TBC1D4: variants seen among roughly 807,000 people sequenced by gnomAD.
The protein encoded by TBC1D4 is TBC1 domain family member 4.
TBC1D4 carries 121 observed loss-of-function variants against 142.5 expected under a neutral mutation model. That is an observed-to-expected ratio of 0.85 (90% CI 0.73 to 0.99). The LOEUF is 0.99. Ranked by LOEUF, TBC1D4 falls within the 50% of genes least tolerant of loss-of-function variation. TBC1D4 has a pLI of 0.00. For synonymous variants in TBC1D4, 630 were observed against 628.2 expected (o/e 1.00, Z -0.04); for missense variants, 1,475 against 1,606.6 (o/e 0.92, Z 1.40).
chr13:75,443,128 C>A (rs2138206681), intron 1 of TBC1D4, among the ~76,000 whole-genome samples: 1 of 152,214 alleles, frequency 6.6e-6, no homozygotes, highest in East Asian at 1.9e-4. Context: ...CAGCTGGATG[C>A]AGCCAGATGC....
rs752514908 is a variant in TBC1D4, at chr13:75,294,842, G to C, written c.3316+12C>G. Reference sequence around the variant, plus strand: ...AATAATACTGTTCCATTTAATTACAGGTATCTCTTACCAAAAACTCTGGCT... The same window carrying C: ...AATAATACTGTTCCATTTAATTACACGTATCTCTTACCAAAAACTCTGGCT... On this transcript the variant is annotated intron_variant, in intron 18 of 20. Coordinates refer to ENST00000377636, the MANE Select transcript of TBC1D4 (RefSeq NM_014832.5). The C allele has an allele frequency of 1.9e-6, 3 of 1,612,900 alleles. No homozygotes were observed. Among genetic ancestry groups the C allele is most frequent in the Non-Finnish European group, 2.5e-6 (3 of 1,179,078 alleles).
intron 1 of TBC1D4, among the ~76,000 whole-genome samples, chr13:75,445,466 G>C (rs915573196): frequency 3.3e-5 from 5 of 152,054 alleles, no homozygotes; most frequent in African/African-American, 1.2e-4. Context: ...ATCATCTATT[G>C]TTGTATTTTC....
intron 1 of TBC1D4, among the ~76,000 whole-genome samples, chr13:75,377,468 G>T (rs1883580741): frequency 6.6e-6 from 1 of 151,916 alleles, no homozygotes; most frequent in Non-Finnish European, 1.5e-5. Flanking sequence ...TTTCAAAATG[G>T]CCCTGAAAGT....
chr13:75,339,270 C>T (rs1477358158), intron 7 of TBC1D4, among the ~76,000 whole-genome samples: 2 of 150,904 alleles, frequency 1.3e-5, no homozygotes, highest in South Asian at 2.1e-4. Context: ...AAAACATTCT[C>T]CCAACTGGAG....
At chr13:75,426,783 TG>T (rs1157456469) in intron 1 of TBC1D4, among the ~76,000 whole-genome samples, 1 of 151,948 alleles carries the variant, frequency 6.6e-6, no homozygotes, top group Non-Finnish European at 1.5e-5. Flanking sequence ...GGCTCACACC[TG>T]TAATCCCAGA....
At chr13:75,315,387 CAT>C (rs1165788414) in intron 12 of TBC1D4, among the ~76,000 whole-genome samples, 91 of 90,190 alleles carry the variant, frequency 1.0e-3, no homozygotes, top group South Asian at 2.2e-3. Context: ...CACACACACA[CAT>C]ATATATATAC....
At chr13:75,339,298 AC>A (rs2138067333) in intron 7 of TBC1D4, among the ~76,000 whole-genome samples, 1 of 123,140 alleles carries the variant, frequency 8.1e-6, no homozygotes, top group Non-Finnish European at 1.9e-5. Context: ...CTTAGTCCTA[AC>A]CCCCTCAACC....
chr13:75,436,428 G>A (rs548398054), intron 1 of TBC1D4, among the ~76,000 whole-genome samples: 4 of 152,246 alleles, frequency 2.6e-5, no homozygotes, highest in East Asian at 1.9e-4. Context: ...GGCCAAGGCA[G>A]CCAGATCATT....
intron 1 of TBC1D4, among the ~76,000 whole-genome samples, chr13:75,471,640 A>C (rs375039299): frequency 3.7e-4 from 56 of 151,912 alleles, no homozygotes; most frequent in African/African-American, 1.3e-3. Context: ...TGGGATGCCG[A>C]GGCAGGAGAA....
chr13:75,435,667 T>C (rs1408065745), intron 1 of TBC1D4, among the ~76,000 whole-genome samples: 2 of 152,182 alleles, frequency 1.3e-5, no homozygotes, highest in East Asian at 3.9e-4. Flanking sequence ...CCAAGTGTCC[T>C]GGTGTGGGTT....
intron 14 of TBC1D4, among the ~76,000 whole-genome samples, chr13:75,308,197 G>A (rs904398726): frequency 6.6e-6 from 1 of 152,152 alleles, no homozygotes; most frequent in Non-Finnish European, 1.5e-5. Context: ...TGTTATGTAG[G>A]CAGAGAAACA....
At chr13:75,298,335 T>C (rs546486227) in intron 17 of TBC1D4, among the ~76,000 whole-genome samples, 1 of 152,284 alleles carries the variant, frequency 6.6e-6, no homozygotes, top group Admixed American at 6.5e-5. Flanking sequence ...ACCAACCCAC[T>C]TAGAGAAGTG....
chr13:75,356,090 T>C, intron 4 of TBC1D4, 57 bp downstream of exon 4: 1 of 1,334,260 alleles, frequency 7.5e-7, no homozygotes, highest in Non-Finnish European at 1.1e-6. Flanking sequence ...AAGAGACAAG[T>C]CTTCTGTTCG....
At chr13:75,419,436 A>C (rs957643165) in intron 1 of TBC1D4, among the ~76,000 whole-genome samples, 2 of 152,168 alleles carry the variant, frequency 1.3e-5, no homozygotes, top group Non-Finnish European at 2.9e-5. Flanking sequence ...TAGTTTTTAT[A>C]GTCTATTACC....
chr13:75,477,006 G>C (rs1301716962), intron 1 of TBC1D4, among the ~76,000 whole-genome samples: 1 of 152,140 alleles, frequency 6.6e-6, no homozygotes, highest in East Asian at 1.9e-4. Context: ...GGGAGTCTCT[G>C]GGCTATGTTT....
chr13:75,302,507 T>C (rs1876682886), intron 15 of TBC1D4, 106 bp from the exon 16 acceptor site: 13 of 1,281,490 alleles, frequency 1.0e-5, no homozygotes, highest in Non-Finnish European at 1.5e-5. Flanking sequence ...CTGTATGTAC[T>C]GCATGCCACC....
At chr13:75,300,169 C>T (rs1244375073) in intron 16 of TBC1D4, among the ~76,000 whole-genome samples, 1 of 152,128 alleles carries the variant, frequency 6.6e-6, no homozygotes, top group African/African-American at 2.4e-5. Context: ...CTCCATGAGC[C>T]ATGTAAACCA....
At chr13:75,361,850 C>A (rs3825441) in intron 2 of TBC1D4, among the ~76,000 whole-genome samples, 176 bp downstream of exon 2, 4 of 151,952 alleles carry the variant, frequency 2.6e-5, no homozygotes, top group Admixed American at 6.5e-5. Context: ...GCCTCTCCCC[C>A]CTTCCCTACT....
rs150352217 is a variant in TBC1D4 at position 75,450,720 on chromosome 13, A to C, written c.498+30550T>G. 2.7e-4 allele frequency among the ~76,000 whole-genome samples: 41 copies of C among 152,300 alleles called. No individual in the cohort carries two copies. The East Asian group carries it at 7.0e-3, about 26-fold the overall frequency. ...AGTCATTAGACATATGGTTGAACTC[A>C]ATCTTCAGCCCTTCCCACCTCCCCA... is the stretch of plus-strand genomic sequence containing the variant. On this transcript the variant is annotated intron_variant, in intron 1 of 20. Transcript: ENST00000377636.
Sources: gnomAD v4.1 joint callset for allele counts (sites outside exome capture counted in the v4.1 genomes callset) on GRCh38, gnomAD v4.1.1 for gene constraint, MANE v1.5 for transcripts, NCBI Gene and HGNC (gene_info 2026-07-23, HGNC 2026-07-21) for gene names.